Variants in CSTF3 observed in about 807,000 individuals in gnomAD.
The protein encoded by CSTF3 is cleavage stimulation factor subunit 3.
In CSTF3, 29 loss-of-function variants were observed where a neutral mutation model predicts 105.8. The ratio of observed to expected loss-of-function variants is 0.27; its 90% CI spans 0.20 to 0.37. CSTF3 has a LOEUF of 0.37. Ranked by LOEUF, CSTF3 falls within the 10% of genes least tolerant of loss-of-function variation. The probability of loss-of-function intolerance (pLI) is 1.00; values close to 1 mark genes in which losing one functional copy is unlikely to be tolerated. For synonymous variants in CSTF3, 252 were observed against 281.9 expected (o/e 0.89, Z 1.06); for missense variants, 357 against 879.3 (o/e 0.41, Z 7.51).
intron 1 of CSTF3, among the ~76,000 whole-genome samples, chr11:33,157,129 G>C (rs577059658): frequency 2.0e-5 from 3 of 152,044 alleles, no homozygotes; most frequent in African/African-American, 7.2e-5. Flanking sequence ...GAGGCAGGCA[G>C]ATCACTTGAG....
intron 3 of CSTF3, among the ~76,000 whole-genome samples, chr11:33,126,231 G>A (rs575322960): frequency 4.6e-5 from 7 of 152,198 alleles, no homozygotes; most frequent in South Asian, 2.1e-4. Context: ...AGGCTGAGGC[G>A]GGAGGATTGC....
intron 12 of CSTF3, 115 bp downstream of exon 12, chr11:33,098,919 G>C (rs886790258): frequency 2.0e-5 from 28 of 1,417,142 alleles, no homozygotes; most frequent in Non-Finnish European, 2.5e-5. Flanking sequence ...CTGTTCATTT[G>C]GCATCATCTC....
chr11:33,105,460 A>G (rs996071666), intron 8 of CSTF3, 107 bp downstream of exon 8: 70 of 1,078,296 alleles, frequency 6.5e-5, no homozygotes, highest in Non-Finnish European at 8.9e-5. Flanking sequence ...TACAATCAAT[A>G]AAAAAAGTGT....
chr11:33,121,603 G>A (rs948084350), intron 3 of CSTF3, among the ~76,000 whole-genome samples: 1 of 152,148 alleles, frequency 6.6e-6, no homozygotes, highest in African/African-American at 2.4e-5. Context: ...CTGCCATGAA[G>A]GCTTTAGTAG....
intron 1 of CSTF3, among the ~76,000 whole-genome samples, chr11:33,153,842 T>A (rs1849821202): frequency 6.6e-6 from 1 of 151,896 alleles, no homozygotes; most frequent in African/African-American, 2.4e-5. Flanking sequence ...AACACAAAAG[T>A]ATGAATAGAG....
chr11:33,127,298 C>G (rs567841454), intron 3 of CSTF3, among the ~76,000 whole-genome samples: 22 of 152,248 alleles, frequency 1.4e-4, no homozygotes, highest in Middle Eastern at 3.4e-3. Context: ...CTTAAACATA[C>G]AAATGTTAGG....
intron 1 of CSTF3, among the ~76,000 whole-genome samples, chr11:33,142,331 A>T (rs1291497393): frequency 2.0e-5 from 2 of 98,312 alleles, no homozygotes; most frequent in African/African-American, 5.3e-5. Flanking sequence ...CGTTATTATA[A>T]TCTAGATATG....
intron 3 of CSTF3, among the ~76,000 whole-genome samples, chr11:33,120,893 A>G (rs373705): frequency 0.55 from 83,955 of 151,348 alleles, 25,842 homozygotes; most frequent in Non-Finnish European, 0.69. Flanking sequence ...TTAAAATATT[A>G]ATTTAAAACC....
At chr11:33,157,542 C>A (rs1849883423) in intron 1 of CSTF3, among the ~76,000 whole-genome samples, 2 of 151,596 alleles carry the variant, frequency 1.3e-5, no homozygotes, top group Non-Finnish European at 1.5e-5. Context: ...AAGGTAATTC[C>A]AATAGCTCTC....
At chr11:33,155,725 A>G in intron 1 of CSTF3, among the ~76,000 whole-genome samples, 1 of 152,180 alleles carries the variant, frequency 6.6e-6, no homozygotes, top group East Asian at 1.9e-4. Context: ...TCCCTTTTTT[A>G]GCCCAATTCT....
At chr11:33,125,251 CTG>C (rs776119105) in intron 3 of CSTF3, among the ~76,000 whole-genome samples, 1 of 152,124 alleles carries the variant, frequency 6.6e-6, no homozygotes, top group Non-Finnish European at 1.5e-5. Context: ...CTCTCTTCAC[CTG>C]TGTTATTAAG....
At chr11:33,135,907 G>A (rs867544829) in intron 3 of CSTF3, among the ~76,000 whole-genome samples, 1 of 152,048 alleles carries the variant, frequency 6.6e-6, no homozygotes, top group African/African-American at 2.4e-5. Flanking sequence ...ATGAATAGAA[G>A]TATTTAGATT....
intron 3 of CSTF3, among the ~76,000 whole-genome samples, chr11:33,118,757 A>C (rs1184425048): frequency 6.6e-6 from 1 of 151,772 alleles, no homozygotes; most frequent in African/African-American, 2.4e-5. Flanking sequence ...TAAAAAAAAA[A>C]AACAAAAAAT....
At chr11:33,105,743 T>TCAACC in intron 7 of CSTF3, 50 bp from the exon 8 acceptor site, 1 of 1,594,992 alleles carries the variant, frequency 6.3e-7, no homozygotes, top group Non-Finnish European at 8.6e-7. Flanking sequence ...CAAATCTCAT[T>TCAACC]CAACCCAGCA....
chr11:33,095,593 G>A (rs1188684941), intron 15 of CSTF3, among the ~76,000 whole-genome samples: 2 of 151,488 alleles, frequency 1.3e-5, no homozygotes, highest in Admixed American at 6.6e-5. Flanking sequence ...AGGCCGAGGC[G>A]GGCGGATCAC....
At chr11:33,092,144 A>G (rs1478711425) in intron 16 of CSTF3, 127 bp downstream of exon 16, 1 of 588,568 alleles carries the variant, frequency 1.7e-6, no homozygotes, top group Non-Finnish European at 2.9e-6. Flanking sequence ...TAGGTAAAAT[A>G]AAACTTGAGA....
rs142804897 is a variant in CSTF3 at position 33,143,723 on chromosome 11, T to C, written c.28-1737A>G. On this transcript the variant is annotated intron_variant, in intron 1 of 20. Coordinates refer to ENST00000323959, the MANE Select transcript of CSTF3 (RefSeq NM_001326.3). ...GAGATTGCGCCACTGCACTCCAGCC[T>C]GGGTGACAAAGCCACACAGCACTTT... Among the ~76,000 whole-genome samples, 588 of 152,120 alleles carry C rather than the reference T, an allele frequency of 3.9e-3. 3 individuals are homozygous for C. Among genetic ancestry groups the C allele is most frequent in the African/African-American group, 0.014 (562 of 41,482 alleles).
At chr11:33,098,085 A>G (rs1356118766) in intron 13 of CSTF3, among the ~76,000 whole-genome samples, 1 of 152,198 alleles carries the variant, frequency 6.6e-6, no homozygotes, top group Non-Finnish European at 1.5e-5. Context: ...CCCAATATAA[A>G]TCATTAACAA....
intron 3 of CSTF3, among the ~76,000 whole-genome samples, chr11:33,113,544 A>T (rs1386162992): frequency 6.6e-6 from 1 of 152,046 alleles, no homozygotes; most frequent in African/African-American, 2.4e-5. Flanking sequence ...AAAACAAATA[A>T]ATACTTATCT....
Sources: gnomAD v4.1 joint callset for allele counts (sites outside exome capture counted in the v4.1 genomes callset) on GRCh38, gnomAD v4.1.1 for gene constraint, MANE v1.5 for transcripts, NCBI Gene and HGNC (gene_info 2026-07-23, HGNC 2026-07-21) for gene names.